The following CCNY variants were observed in gnomAD, a reference collection of about 807,000 sequenced individuals.
The protein encoded by CCNY is cyclin Y, also known as cyclin-Y.
Under a neutral mutation model 42.8 loss-of-function variants are expected in CCNY, and 19 were observed. The ratio of observed to expected loss-of-function variants is 0.44; its 90% CI spans 0.31 to 0.65. The LOEUF (loss-of-function observed/expected upper bound fraction) is 0.65. Ranked by LOEUF, CCNY falls within the 30% of genes least tolerant of loss-of-function variation. The pLI is 0.07. For missense variants in CCNY, 370 were observed against 437.3 expected, an observed-to-expected ratio of 0.85 and a Z score of 1.37; for synonymous variants, 165 against 162.7, an observed-to-expected ratio of 1.01 and a Z score of -0.11.
rs1302214698 is a variant in CCNY at position 35,336,970 on chromosome 10, C to T, written c.-84C>T. The T allele has an allele frequency of 8.7e-6, 10 of 1,150,228 alleles. No homozygotes were observed. The East Asian group carries it at 1.5e-4, about 17-fold the overall frequency. The allele number at this position is 1,150,228 out of a possible 1,614,324, so 71.3% of individuals were successfully genotyped here. On this transcript the variant is annotated 5_prime_UTR_variant, in exon 1 of 10. Coordinates refer to ENST00000374704, the MANE Select transcript of CCNY (RefSeq NM_145012.6). ...GGGCGGGCCTCCCCACACGCCCCCG[C>T]CGCCCGCGCCCCGCGTCCACCCGCG...
At chr10:35,270,520 A>G (rs537533219) in intron 3 of CCNY, among the ~76,000 whole-genome samples, 2 of 152,238 alleles carry the variant, frequency 1.3e-5, no homozygotes, top group East Asian at 1.9e-4. Context: ...TGTTCTCACT[A>G]TGCAAAAATT....
chr10:35,566,105 G>C lies in CCNY; in HGVS notation c.829G>C (p.Asp277His). 3.7e-6 allele frequency: 6 copies of C among 1,614,210 alleles called. No individual in the cohort carries two copies. The highest frequency in any genetic ancestry group is 5.1e-6 in the Non-Finnish European group (6 of 1,180,038). Residue 277 changes from aspartate to histidine, a missense_variant, in exon 9 of 10, where the codon GAT (aspartate) becomes CAT (histidine). Transcript: ENST00000374704. ...PSSVYAKYYFDLRSLAEANNL... is the reference protein window; with the variant it reads ...PSSVYAKYYFHLRSLAEANNL... ...CAGTGTCTATGCCAAGTATTATTTTGATCTTCGTTCTCTGGCAGAAGCGAA... is the reference window on the plus strand; with the variant it reads ...CAGTGTCTATGCCAAGTATTATTTTCATCTTCGTTCTCTGGCAGAAGCGAA...
intron 8 of CCNY, among the ~76,000 whole-genome samples, chr10:35,562,451 C>G (rs970084270): frequency 1.3e-5 from 2 of 152,354 alleles, no homozygotes; most frequent in South Asian, 4.1e-4. Context: ...AACTCTCCCC[C>G]TGTTAAACAC....
intron 3 of CCNY, among the ~76,000 whole-genome samples, chr10:35,273,849 C>G (rs1173519009): frequency 6.6e-6 from 1 of 152,152 alleles, no homozygotes; most frequent in South Asian, 2.1e-4. Context: ...CCACAGGTCC[C>G]TCTAGTATAT....
At chr10:35,499,648 G>A (rs1840071525) in intron 2 of CCNY, among the ~76,000 whole-genome samples, 1 of 152,184 alleles carries the variant, frequency 6.6e-6, no homozygotes, top group Admixed American at 6.5e-5. Context: ...TGAAGGCAGG[G>A]GCTGATGTAG....
chr10:35,470,658 C>CGGT (rs1839374766), intron 1 of CCNY, among the ~76,000 whole-genome samples: 2 of 152,184 alleles, frequency 1.3e-5, no homozygotes, highest in Non-Finnish European at 2.9e-5. Context: ...ACCAGAACTG[C>CGGT]AGTAGCAGCA....
chr10:35,254,655 T>C (rs2095714203), intron 3 of CCNY, among the ~76,000 whole-genome samples: 2 of 151,900 alleles, frequency 1.3e-5, no homozygotes, highest in Admixed American at 1.3e-4. Context: ...GGCAAGACCC[T>C]GTCTCTACAA....
intron 7 of CCNY, among the ~76,000 whole-genome samples, chr10:35,543,654 T>A (rs879453437): frequency 1.0e-3 from 152 of 152,324 alleles, no homozygotes; most frequent in Non-Finnish European, 1.8e-3. Flanking sequence ...ATGTGTTTAC[T>A]ATACTATACT....
At chr10:35,419,819 GTCAT>G (rs1342098985) in intron 1 of CCNY, among the ~76,000 whole-genome samples, 1 of 151,772 alleles carries the variant, frequency 6.6e-6, no homozygotes, top group African/African-American at 2.4e-5. Context: ...ATACTTTTAG[GTCAT>G]TCATACAGCA....
At chr10:35,520,123 G>C (rs1423154618) in intron 4 of CCNY, among the ~76,000 whole-genome samples, 2 of 152,176 alleles carry the variant, frequency 1.3e-5, no homozygotes, top group Admixed American at 1.3e-4. Context: ...ACCAACTGAA[G>C]TAGAGCCATC....
intron 1 of CCNY, among the ~76,000 whole-genome samples, chr10:35,424,805 C>G (rs1411537764): frequency 6.6e-6 from 1 of 152,194 alleles, no homozygotes; most frequent in Non-Finnish European, 1.5e-5. Context: ...AACTTGTGTA[C>G]AGTGTGTTCT....
chr10:35,569,012 A>T (rs371202143), intron 9 of CCNY, 42 bp from the exon 10 acceptor site: 49 of 1,344,058 alleles, frequency 3.6e-5, no homozygotes, highest in Non-Finnish European at 5.2e-5. Flanking sequence ...ATGGACGCAG[A>T]TATGGCCCGC....
Position 35,516,553 on chromosome 10 carries a change from A to G in CCNY, c.295A>G (p.Ser99Gly), listed in dbSNP as rs759003668. The G allele has an allele frequency of 2.5e-6, 4 of 1,613,324 alleles. No homozygotes were observed. Among genetic ancestry groups the G allele is most frequent in the Non-Finnish European group, 3.4e-6 (4 of 1,179,706 alleles). Residue 99 changes from serine to glycine, a missense_variant, in exon 4 of 10, where the codon AGT becomes GGT. This residue lies in a region of CCNY where 234 missense variants were observed against 313.1 expected (regional missense o/e 0.75). Transcript: ENST00000374704. ...HPPGQIARKY[S>G]SCSTIFLDDS... ...TCCAGGACAAATAGCAAGGAAATAC[A>G]GTTCCTGCTCCACCATTTTCCTAGA...
In CCNY at chr10:35,497,910, C is replaced by T. The variant is rs1310545956; in HGVS notation, c.230-3591C>T. Among the ~76,000 whole-genome samples the T allele has an allele frequency of 2.6e-5, 4 of 152,042 alleles. No homozygotes were observed. The East Asian group carries it at 5.8e-4, about 22-fold the overall frequency. On this transcript the variant is annotated intron_variant, in intron 2 of 9. Transcript: ENST00000374704. ...GCTGTTAGGACTAAGGCAGCACCTG[C>T]CTTCTGCCCATCTCCCTCTGCCGTG...
At chr10:35,474,420 G>C (rs1036619050) in intron 1 of CCNY, among the ~76,000 whole-genome samples, 2 of 152,260 alleles carry the variant, frequency 1.3e-5, no homozygotes, top group African/African-American at 4.8e-5. Context: ...GAAGAGAGCA[G>C]TGGTTCTCCC....
chr10:35,569,775 T>G lies in CCNY; in HGVS notation c.*605T>G. 1 of 154,214 alleles carries G rather than the reference T, an allele frequency of 6.5e-6. No homozygotes were observed. The highest frequency in any genetic ancestry group is 1.9e-4 in the East Asian group (1 of 5,352). 9.6% of individuals were successfully genotyped at this position (154,214 alleles called of 1,614,324 possible). On this transcript the variant is annotated 3_prime_UTR_variant, in exon 10 of 10. Transcript: ENST00000374704. ...CGCGCTGTCTTCTGAGCTTTCTTCC[T>G]CACCAGTGGGCTGTGCTTGTTCCAT...
In CCNY at chr10:35,336,878, CCCGCCG is replaced by C; in HGVS notation, c.-165_-160del. 2 of 184,704 alleles carry C rather than the reference CCCGCCG, an allele frequency of 1.1e-5. No homozygotes were observed. Among genetic ancestry groups the C allele is most frequent in the Non-Finnish European group, 2.0e-5 (2 of 102,380 alleles). 11.4% of individuals were successfully genotyped at this position (184,704 alleles called of 1,614,324 possible). ...CCGCCGCCGCCGCCCATGGCGAGGC[CCCGCCG>C]CCGCCGCCGCTGCTGACCCGGCGGC... On this transcript the variant is annotated 5_prime_UTR_variant, in exon 1 of 10. Coordinates refer to ENST00000374704, the MANE Select transcript of CCNY (RefSeq NM_145012.6).
At chr10:35,360,288 C>G (rs1381162788) in intron 1 of CCNY, among the ~76,000 whole-genome samples, 1 of 99,898 alleles carries the variant, frequency 1.0e-5, no homozygotes, top group African/African-American at 3.8e-5. Context: ...CTTTTCTTTT[C>G]TTTTTTTTTT....
At position 35,571,685 on chromosome 10, in the gene CCNY, C is replaced by T. The variant is rs1029481660; in HGVS notation, c.*2515C>T. The T allele has an allele frequency of 6.6e-6, 1 of 152,132 alleles. No individual in the cohort carries two copies. The highest frequency in any genetic ancestry group is 1.5e-5 in the Non-Finnish European group (1 of 67,994). The allele number at this position is 152,132 out of a possible 1,614,324, so 9.4% of individuals were successfully genotyped here. A position where few individuals can be genotyped will look rare whatever the true frequency, so the allele number is the denominator to read the frequency against. On this transcript the variant is annotated 3_prime_UTR_variant, in exon 10 of 10. Coordinates refer to ENST00000374704, the MANE Select transcript of CCNY (RefSeq NM_145012.6). ...CTTCTCTGATTTGTTCAAAGTTTGC[C>T]AAAAGAAAACACAAAACCAGTACAG...
Sources: gnomAD v4.1 joint callset for allele counts (sites outside exome capture counted in the v4.1 genomes callset) on GRCh38, gnomAD v4.1.1 for gene constraint, gnomAD v4.1.1 regional missense constraint, MANE v1.5 for transcripts, NCBI Gene and HGNC (gene_info 2026-07-23, HGNC 2026-07-21) for gene names.